The following NEO1 variants were observed in gnomAD, a reference collection of about 807,000 sequenced individuals.
The protein encoded by NEO1 is neogenin.
A neutral mutation model predicts 159.7 loss-of-function variants in NEO1; 63 were observed. That is an observed-to-expected ratio of 0.39 (90% CI 0.32 to 0.49). The LOEUF is 0.49. Among genes scored for constraint, NEO1 ranks in the 20% least tolerant of loss-of-function variants. The probability of loss-of-function intolerance (pLI) is 0.85; values close to 1 mark genes in which losing one functional copy is unlikely to be tolerated. For missense variants in NEO1, 1,615 were observed against 1,831.0 expected (o/e 0.88, Z 2.15); for synonymous variants, 633 against 662.0 (o/e 0.96, Z 0.67).
At chr15:73,287,878 CAA>C (rs35855032) in intron 23 of NEO1, among the ~76,000 whole-genome samples, 5 of 143,564 alleles carry the variant, frequency 3.5e-5, no homozygotes, top group African/African-American at 2.6e-5. Context: ...AACTCCATCT[CAA>C]AAAAAAAAAA....
intron 19 of NEO1, among the ~76,000 whole-genome samples, chr15:73,272,906 CT>C (rs1296532226): frequency 1.3e-5 from 2 of 150,880 alleles, no homozygotes; most frequent in Non-Finnish European, 2.9e-5. Context: ...TATATACCCC[CT>C]CCCTGGTTCT....
intron 7 of NEO1, among the ~76,000 whole-genome samples, chr15:73,220,250 C>T (rs1462308829): frequency 1.3e-5 from 2 of 152,046 alleles, no homozygotes; most frequent in Non-Finnish European, 2.9e-5. Flanking sequence ...TGAATATTGG[C>T]CCCCACTCTC....
At chr15:73,292,506 T>G (rs1467526580) in intron 25 of NEO1, among the ~76,000 whole-genome samples, 1 of 152,242 alleles carries the variant, frequency 6.6e-6, no homozygotes, top group Non-Finnish European at 1.5e-5. Context: ...ATTCTCAGAC[T>G]CTGGGCTTCT....
In NEO1 at chr15:73,209,141, T is replaced by A. The variant is rs541459647; in HGVS notation, c.1292-27206T>A. Among the ~76,000 whole-genome samples the A allele has an allele frequency of 8.5e-5, 13 of 152,352 alleles. No homozygotes were observed. The South Asian group carries it at 2.7e-3, about 32-fold the overall frequency. ...TTTAAATTTGGAAAAAGTTATGAAT[T>A]GTATTAGCTTGGGAAGGGAAGAATA... On this transcript the variant is annotated intron_variant, in intron 7 of 28. Coordinates refer to ENST00000261908, the MANE Select transcript of NEO1 (RefSeq NM_002499.4).
intron 5 of NEO1, among the ~76,000 whole-genome samples, chr15:73,141,846 T>C (rs1263379103): frequency 1.2e-4 from 18 of 152,210 alleles, no homozygotes; most frequent in Admixed American, 1.2e-3. Flanking sequence ...TTCTCTTGGC[T>C]TCGGGATAAA....
intron 7 of NEO1, among the ~76,000 whole-genome samples, chr15:73,201,166 A>G (rs2036859731): frequency 6.6e-6 from 1 of 150,930 alleles, no homozygotes; most frequent in East Asian, 2.0e-4. Context: ...TCTGTTTTCA[A>G]TTTCATTTAT....
At chr15:73,189,555 G>A (rs542886335) in intron 7 of NEO1, among the ~76,000 whole-genome samples, 30 of 152,292 alleles carry the variant, frequency 2.0e-4, no homozygotes, top group Non-Finnish European at 3.7e-4. Context: ...TAAAAATAAT[G>A]TTGAAAGTAT....
chr15:73,236,678 C>T (rs1056866520), intron 8 of NEO1, among the ~76,000 whole-genome samples, 172 bp downstream of exon 8: 4 of 152,128 alleles, frequency 2.6e-5, no homozygotes, highest in African/African-American at 9.7e-5. Flanking sequence ...AGACTAAAGT[C>T]CTGGTAGTCT....
intron 6 of NEO1, 123 bp from the exon 7 acceptor site, chr15:73,178,184 T>A: frequency 1.1e-6 from 1 of 891,266 alleles, no homozygotes; most frequent in Admixed American, 2.8e-5. Flanking sequence ...TTGGATAATA[T>A]TTAATAATTG....
intron 1 of NEO1, among the ~76,000 whole-genome samples, chr15:73,063,445 A>T (rs1378847053): frequency 6.6e-6 from 1 of 151,832 alleles, no homozygotes; most frequent in Non-Finnish European, 1.5e-5. Flanking sequence ...AATACATGAA[A>T]ATTAGATAAC....
chr15:73,076,142 C>T (rs759142561), intron 1 of NEO1, among the ~76,000 whole-genome samples: 2 of 152,072 alleles, frequency 1.3e-5, no homozygotes, highest in Non-Finnish European at 2.9e-5. Context: ...AATTAAGGTG[C>T]GGCTCAGATC....
intron 7 of NEO1, among the ~76,000 whole-genome samples, chr15:73,215,141 T>C (rs1299331747): frequency 6.6e-6 from 1 of 152,212 alleles, no homozygotes; most frequent in African/African-American, 2.4e-5. Context: ...TCCAGAAACT[T>C]TGCTGAATTC....
chr15:73,297,083 A>G (rs957681960), intron 26 of NEO1, among the ~76,000 whole-genome samples: 2 of 152,140 alleles, frequency 1.3e-5, no homozygotes, highest in African/African-American at 4.8e-5. Context: ...CTCTCCTCAC[A>G]GGTGGGGAAG....
intron 7 of NEO1, among the ~76,000 whole-genome samples, chr15:73,228,576 G>GT (rs886152376): frequency 7.4e-5 from 11 of 148,062 alleles, no homozygotes; most frequent in African/African-American, 2.7e-4. Flanking sequence ...TTTTTGTTTT[G>GT]TTTTTTTCTG....
chr15:73,139,248 A>T (rs966700991), intron 5 of NEO1, among the ~76,000 whole-genome samples: 1 of 152,158 alleles, frequency 6.6e-6, no homozygotes, highest in Non-Finnish European at 1.5e-5. Flanking sequence ...AAGCTTATTG[A>T]CGTTGGTCTT....
In NEO1 at chr15:73,071,162, G is replaced by A. The variant is rs1035957856; in HGVS notation, c.130+18357G>A. On this transcript the variant is annotated intron_variant, in intron 1 of 28. Coordinates refer to ENST00000261908, the MANE Select transcript of NEO1 (RefSeq NM_002499.4). ...AGAGTCTTGCTATGTTGCCCAGGCT[G>A]GTCTGGAACTCCTGGCCTCAAGAGA... 2.6e-5 allele frequency among the ~76,000 whole-genome samples: 4 copies of A among 152,030 alleles called. No homozygotes were observed. In the South Asian group the frequency reaches 8.3e-4, roughly 32 times the overall value.
At chr15:73,128,240 ATT>A (rs768437291) in intron 4 of NEO1, among the ~76,000 whole-genome samples, 19 of 139,916 alleles carry the variant, frequency 1.4e-4, no homozygotes, top group Non-Finnish European at 1.6e-4. Context: ...ATAAGACTTC[ATT>A]TTTTTTTTTT....
At chr15:73,294,236 A>G (rs148534572) in intron 26 of NEO1, among the ~76,000 whole-genome samples, 2,066 of 152,346 alleles carry the variant, frequency 0.014, 19 homozygotes, top group South Asian at 0.017. Context: ...TAAGGAGGAA[A>G]GAAATAGTGA....
rs145236568 is a variant in NEO1, at chr15:73,283,087, G to A, written c.3386G>A (p.Arg1129His). The A allele has an allele frequency of 5.0e-5, 80 of 1,613,922 alleles. No individual in the cohort carries two copies. Among genetic ancestry groups the A allele is most frequent in the Non-Finnish European group, 5.7e-5 (67 of 1,180,026 alleles). Residue 1129 changes from arginine to histidine, a missense_variant, in exon 23 of 29, where the codon CGT (arginine) becomes CAT (histidine). This residue lies in a region of NEO1 where 471 missense variants were observed against 498.9 expected (regional missense o/e 0.94). Coordinates refer to ENST00000261908, the MANE Select transcript of NEO1 (RefSeq NM_002499.4). ...GTGATTATCGCTGTCTTTTGTACCC[G>A]TCGTACCACCTCTCACCAGAAAAAG... ...VVVIIAVFCT[R>H]RTTSHQKKKR...
Sources: gnomAD v4.1 joint callset for allele counts (sites outside exome capture counted in the v4.1 genomes callset) on GRCh38, gnomAD v4.1.1 for gene constraint, gnomAD v4.1.1 regional missense constraint, MANE v1.5 for transcripts, NCBI Gene and HGNC (gene_info 2026-07-23, HGNC 2026-07-21) for gene names.